Variants in TTLL4 observed in about 807,000 individuals in gnomAD.
The protein encoded by TTLL4 is tubulin monoglutamylase TTLL4.
TTLL4 carries 85 observed loss-of-function variants against 122.7 expected under a neutral mutation model. The observed-to-expected ratio is 0.69, with a 90% CI of 0.58 to 0.83. The LOEUF (loss-of-function observed/expected upper bound fraction) is 0.83, where lower values mean the gene tolerates loss of function less well. TTLL4 is among the 40% of genes least tolerant of loss of function. The pLI is 0.00. For synonymous variants in TTLL4, 553 were observed against 563.0 expected, an observed-to-expected ratio of 0.98 and a Z score of 0.25; for missense variants, 1,363 against 1,488.6, an observed-to-expected ratio of 0.92 and a Z score of 1.39.
intron 6 of TTLL4, 165 bp from the exon 7 acceptor site, chr2:218,745,526 T>C: frequency 3.1e-6 from 2 of 649,314 alleles, no homozygotes; most frequent in Non-Finnish European, 5.5e-6. Flanking sequence ...GCACAGCCCC[T>C]CTTCTTTCCC....
At chr2:218,730,250 G>A (rs903391073) in intron 2 of TTLL4, among the ~76,000 whole-genome samples, 3 of 138,740 alleles carry the variant, frequency 2.2e-5, no homozygotes, top group Admixed American at 8.1e-5. Context: ...GGCAGATCAC[G>A]AGGTCAGGAG....
downstream of TTLL4, among the ~76,000 whole-genome samples, chr2:218,755,806 T>A (rs1434542729): frequency 1.3e-5 from 2 of 152,174 alleles, no homozygotes; most frequent in African/African-American, 4.8e-5. Flanking sequence ...CTTCTGTGTT[T>A]CATGGCTCCT....
intron 5 of TTLL4, among the ~76,000 whole-genome samples, chr2:218,741,215 C>T (rs901519100): frequency 3.3e-5 from 5 of 152,114 alleles, no homozygotes; most frequent in African/African-American, 1.2e-4. Flanking sequence ...CGTGGTGAAA[C>T]CCCATCTCTA....
chr2:218,719,404 G>C (rs1045776866), intron 1 of TTLL4, among the ~76,000 whole-genome samples: 2 of 152,128 alleles, frequency 1.3e-5, no homozygotes, highest in African/African-American at 4.8e-5. Flanking sequence ...GTCTTGAGCT[G>C]GGTCTGGAAA....
rs376387833 is a variant in TTLL4, at chr2:218,753,025, C to T, written c.3187+52C>T. On this transcript the variant is annotated intron_variant, in intron 17 of 19. Transcript: ENST00000392102. ...AGCCAAGTTTAGTGAGAGATTAAAT[C>T]CCAGTATACCAAGAAATGGGCCTCT... 90 of 1,612,970 alleles carry T rather than the reference C, an allele frequency of 5.6e-5. No individual in the cohort carries two copies. The East Asian group carries it at 7.4e-4, about 13-fold the overall frequency.
chr2:218,731,138 C>T (rs545820057), intron 2 of TTLL4, among the ~76,000 whole-genome samples: 6 of 151,372 alleles, frequency 4.0e-5, no homozygotes, highest in South Asian at 2.1e-4. Flanking sequence ...TGGCTGGGCA[C>T]GGTGGCTCAC....
chr2:218,749,008 T>C, intron 13 of TTLL4, 74 bp downstream of exon 13: 25 of 1,501,592 alleles, frequency 1.7e-5, no homozygotes, highest in Non-Finnish European at 2.1e-5. Flanking sequence ...CACACTGCTG[T>C]GCTCTGGACT....
At position 218,745,679 on chromosome 2, in the gene TTLL4, C is replaced by T. The variant is rs764426356; in HGVS notation, c.1787-12C>T. ...CCATCCCCCATCCCCACACCCCTTG[C>T]ATTCTTCCCAGTGGAGAAACTTCCC... On this transcript the variant is annotated splice_polypyrimidine_tract_variant and intron_variant, in intron 6 of 19. Transcript: ENST00000392102. 1.3e-6 allele frequency: 2 copies of T among 1,576,532 alleles called. No homozygotes were observed. The highest frequency in any genetic ancestry group is 1.7e-6 in the Non-Finnish European group (2 of 1,151,824).
At chr2:218,754,033 G>T (rs1299760777) in intron 19 of TTLL4, 101 bp from the exon 20 acceptor site, 16 of 1,531,862 alleles carry the variant, frequency 1.0e-5, no homozygotes, top group Non-Finnish European at 1.3e-5. Context: ...CTACAACACT[G>T]TAATGTCGTG....
intron 15 of TTLL4, 61 bp from the exon 16 acceptor site, chr2:218,751,643 T>C (rs1575184277): frequency 1.9e-6 from 3 of 1,584,586 alleles, no homozygotes; most frequent in Non-Finnish European, 2.6e-6. Flanking sequence ...CTCCTCCATA[T>C]TTCCTCCAAA....
chr2:218,742,828 A>G (rs910294483), intron 5 of TTLL4, among the ~76,000 whole-genome samples: 4 of 152,160 alleles, frequency 2.6e-5, no homozygotes, highest in Admixed American at 1.3e-4. Context: ...TAGAGTCAAG[A>G]TATAGAACAT....
chr2:218,716,099 C>T (rs552571632), intron 1 of TTLL4, among the ~76,000 whole-genome samples: 23 of 152,312 alleles, frequency 1.5e-4, no homozygotes, highest in Admixed American at 1.4e-3. Flanking sequence ...ACAATCTCTT[C>T]AGAGAAGTAG....
intron 2 of TTLL4, among the ~76,000 whole-genome samples, chr2:218,729,403 C>T (rs909982961): frequency 1.3e-4 from 19 of 151,952 alleles, no homozygotes; most frequent in African/African-American, 2.7e-4. Context: ...GTCCCAGGAA[C>T]GGTCTCCTCT....
chr2:218,711,670 A>C (rs1193581678), intron 1 of TTLL4, among the ~76,000 whole-genome samples: 2 of 152,110 alleles, frequency 1.3e-5, no homozygotes, highest in African/African-American at 2.4e-5. Flanking sequence ...CGGAATTTAC[A>C]GTCTAGGAGA....
chr2:218,758,118 A>G (rs1040273034), downstream of TTLL4, among the ~76,000 whole-genome samples: 3 of 152,188 alleles, frequency 2.0e-5, no homozygotes, highest in Admixed American at 6.5e-5. Flanking sequence ...GCGTTGGATC[A>G]GTGAAAGTTG....
In TTLL4 at chr2:218,747,294, C is replaced by G. The variant is rs1381491060; in HGVS notation, c.2171C>G (p.Ala724Gly). 1 of 1,614,206 alleles carries G rather than the reference C, an allele frequency of 6.2e-7. No homozygotes were observed. The highest frequency in any genetic ancestry group is 1.7e-5 in the Admixed American group (1 of 60,036). Residue 724 changes from alanine to glycine, a missense_variant, in exon 10 of 20, where the codon GCA (alanine) becomes GGA (glycine). Ala to Gly is a moderately conservative substitution (Grantham distance 60). This residue lies in a region of TTLL4 where 596 missense variants were observed against 655.8 expected (regional missense o/e 0.91). Coordinates refer to ENST00000392102, the MANE Select transcript of TTLL4 (RefSeq NM_014640.5). This position sits in a 1 kb window ranked among gnomAD's most constrained non-coding sequence, Gnocchi z 4.7. ...TCATCTCCTTTCTGCTCCTAGCCAG[C>G]ATCAGCTCGAGGCATTGGCATCCAG... ...SRQKWIVKPPASARGIGIQVI... is the reference protein window; with the variant it reads ...SRQKWIVKPPGSARGIGIQVI...
In TTLL4 at chr2:218,749,300, C is replaced by G. The variant is rs768633788; in HGVS notation, c.2648C>G (p.Pro883Arg). Residue 883 changes from proline to arginine, a missense_variant, in exon 14 of 20, where the codon CCC (proline) becomes CGC (arginine). This residue lies in a region of TTLL4 where 596 missense variants were observed against 655.8 expected (regional missense o/e 0.91). Coordinates refer to ENST00000392102, the MANE Select transcript of TTLL4 (RefSeq NM_014640.5). Reference protein sequence around the residue: ...TSLLKMYVRRPYSCHELFGFD... With the variant: ...TSLLKMYVRRRYSCHELFGFD... ...CTGCTCAAGATGTATGTGCGACGGC[C>G]CTATAGCTGCCATGAACTCTTTGGT... 3.1e-6 allele frequency: 5 copies of G among 1,614,098 alleles called. No individual in the cohort carries two copies. The South Asian group carries it at 3.3e-5, about 11-fold the overall frequency.
At chr2:218,748,758 T>G in intron 12 of TTLL4, 78 bp from the exon 13 acceptor site, 1 of 1,273,262 alleles carries the variant, frequency 7.9e-7, no homozygotes, top group Non-Finnish European at 1.1e-6. Flanking sequence ...TACCATTAGG[T>G]CTCTTCTTCG....
Position 218,753,611 on chromosome 2 carries a change from A to G in TTLL4, c.3286A>G (p.Ile1096Val), listed in dbSNP as rs767618932. The change falls in exon 19 of 20, where the codon ATC (isoleucine) becomes GTC (valine). Residue 1096 changes from isoleucine (I) to valine (V), a missense_variant. Coordinates refer to ENST00000392102, the MANE Select transcript of TTLL4 (RefSeq NM_014640.5). Reference sequence around the variant, plus strand: ...GTCTCTCCCGACATCACTTCTGACTATCTCAAAGGATGACGTGATACTCAA... The same window carrying G: ...GTCTCTCCCGACATCACTTCTGACTGTCTCAAAGGATGACGTGATACTCAA... ...VWSLPTSLLTISKDDVILNAF... is the reference protein window; with the variant it reads ...VWSLPTSLLTVSKDDVILNAF... The G allele has an allele frequency of 4.3e-6, 7 of 1,614,166 alleles. No homozygotes were observed. Among genetic ancestry groups the G allele is most frequent in the Non-Finnish European group, 5.9e-6 (7 of 1,180,032 alleles).
Sources: gnomAD v4.1 joint callset for allele counts (sites outside exome capture counted in the v4.1 genomes callset) on GRCh38, gnomAD v4.1.1 for gene constraint, gnomAD v4.1.1 regional missense constraint, Gnocchi (gnomAD v3.1) non-coding constraint, MANE v1.5 for transcripts, NCBI Gene and HGNC (gene_info 2026-07-23, HGNC 2026-07-21) for gene names.